Variants in BLNK observed in about 807,000 individuals in gnomAD.
BLNK encodes B-cell linker protein.
A neutral mutation model predicts 73.5 loss-of-function variants in BLNK; 29 were observed. That is an observed-to-expected ratio of 0.39 (90% CI 0.29 to 0.54). The LOEUF is 0.54. Among genes scored for constraint, BLNK ranks in the 20% least tolerant of loss-of-function variants. The probability of loss-of-function intolerance (pLI) is 0.61; values close to 1 mark genes in which losing one functional copy is unlikely to be tolerated. For synonymous variants in BLNK, 176 were observed against 200.8 expected (o/e 0.88, Z 1.04); for missense variants, 460 against 562.8 (o/e 0.82, Z 1.85).
intron 12 of BLNK, 70 bp from the exon 13 acceptor site, chr10:96,204,158 C>T: frequency 2.0e-6 from 3 of 1,492,076 alleles, no homozygotes; most frequent in Non-Finnish European, 2.8e-6. Flanking sequence ...TTTGTTTACA[C>T]TGATGATGCT....
At chr10:96,243,280 C>T (rs1449863012) in intron 2 of BLNK, among the ~76,000 whole-genome samples, 1 of 152,210 alleles carries the variant, frequency 6.6e-6, no homozygotes, top group Admixed American at 6.5e-5. Context: ...CACACTGGCT[C>T]ATTTCTGTAA....
chr10:96,244,779 A>G (rs893297834), intron 2 of BLNK, among the ~76,000 whole-genome samples: 2 of 152,184 alleles, frequency 1.3e-5, no homozygotes, highest in South Asian at 4.1e-4. Context: ...TATGAAACAG[A>G]GGCTGTTATA....
In BLNK at chr10:96,222,091, C is replaced by T. The variant is rs587632825; in HGVS notation, c.525+1735G>A. ...AGAAAGGAATCCGACATATATTAAACCCCTCTGTGTGTGAGGCACTGTATT... is the reference window on the plus strand; with the variant it reads ...AGAAAGGAATCCGACATATATTAAATCCCTCTGTGTGTGAGGCACTGTATT... On this transcript the variant is annotated intron_variant, in intron 6 of 16. Transcript: ENST00000224337. Among the ~76,000 whole-genome samples, 10 of 152,334 alleles carry T rather than the reference C, an allele frequency of 6.6e-5. No individual in the cohort carries two copies. In the South Asian group the frequency reaches 2.1e-3, roughly 32 times the overall value.
intron 3 of BLNK, among the ~76,000 whole-genome samples, chr10:96,240,396 G>A (rs1300941243): frequency 6.6e-6 from 1 of 151,786 alleles, no homozygotes; most frequent in Non-Finnish European, 1.5e-5. Flanking sequence ...AAGTTGCACA[G>A]GACAACTCTA....
At chr10:96,192,207 C>T (rs587730160) in intron 16 of BLNK, 115 bp from the exon 17 acceptor site, 21 of 1,385,930 alleles carry the variant, frequency 1.5e-5, no homozygotes, top group African/African-American at 1.3e-4. Flanking sequence ...CCCCAGCTGA[C>T]ATTCTGCACA....
intron 8 of BLNK, among the ~76,000 whole-genome samples, chr10:96,214,623 G>A (rs147488487): frequency 6.6e-6 from 1 of 152,294 alleles, no homozygotes; most frequent in Non-Finnish European, 1.5e-5. Flanking sequence ...GTGCCCGCAG[G>A]GGAGGGAGGA....
intron 6 of BLNK, among the ~76,000 whole-genome samples, chr10:96,221,549 G>A (rs1394827066): frequency 1.3e-5 from 2 of 151,782 alleles, no homozygotes; most frequent in African/African-American, 2.4e-5. Flanking sequence ...TTTCCCACTG[G>A]TGCAGACTTG....
intron 6 of BLNK, among the ~76,000 whole-genome samples, chr10:96,217,041 C>A (rs1316412138): frequency 1.3e-5 from 2 of 152,188 alleles, no homozygotes; most frequent in African/African-American, 4.8e-5. Context: ...TTTGCCCATT[C>A]TGGACATTGA....
chr10:96,227,354 C>T, intron 5 of BLNK, 56 bp downstream of exon 5: 1 of 1,597,422 alleles, frequency 6.3e-7, no homozygotes, highest in Non-Finnish European at 8.5e-7. Flanking sequence ...TCTTGGACAC[C>T]CCCACCTCCC....
At chr10:96,192,596 T>TC (rs782792824) in intron 16 of BLNK, among the ~76,000 whole-genome samples, 54 of 152,306 alleles carry the variant, frequency 3.5e-4, no homozygotes, top group Admixed American at 6.5e-4. Context: ...CCTTCATATT[T>TC]CCATTTTTAC....
chr10:96,193,056 T>C (rs2083368477), intron 16 of BLNK, among the ~76,000 whole-genome samples: 1 of 152,226 alleles, frequency 6.6e-6, no homozygotes, highest in African/African-American at 2.4e-5. Flanking sequence ...ATTCAGAATA[T>C]TGGCCAACAT....
At chr10:96,264,592 AG>A (rs1298155667) in intron 1 of BLNK, among the ~76,000 whole-genome samples, 1 of 152,012 alleles carries the variant, frequency 6.6e-6, no homozygotes, top group African/African-American at 2.4e-5. Context: ...GTTATTTTGG[AG>A]GGGGGCGGGG....
At chr10:96,252,377 G>T (rs970214071) in intron 1 of BLNK, among the ~76,000 whole-genome samples, 2 of 152,164 alleles carry the variant, frequency 1.3e-5, no homozygotes, top group African/African-American at 4.8e-5. Flanking sequence ...ATTCCCAGGT[G>T]GTGCTGATGC....
At chr10:96,269,108 C>T (rs948376242) in intron 1 of BLNK, among the ~76,000 whole-genome samples, 1 of 152,148 alleles carries the variant, frequency 6.6e-6, no homozygotes, top group Non-Finnish European at 1.5e-5. Flanking sequence ...AAAAGTTCCA[C>T]GTCAACAGTA....
chr10:96,201,745 T>G (rs2083645332), intron 13 of BLNK, among the ~76,000 whole-genome samples: 1 of 151,090 alleles, frequency 6.6e-6, no homozygotes. Context: ...TCTGCATTCA[T>G]TCATTCATTC....
At position 96,223,917 on chromosome 10, in the gene BLNK, T is replaced by C. The variant is rs1554901814; in HGVS notation, c.434A>G (p.Glu145Gly). The C allele has an allele frequency of 6.2e-6, 10 of 1,613,554 alleles. No individual in the cohort carries two copies. The highest frequency in any genetic ancestry group is 8.5e-6 in the Non-Finnish European group (10 of 1,180,028). Residue 145 changes from glutamate (E) to glycine (G), a missense_variant, in exon 6 of 17, where the codon GAG becomes GGG. This residue lies in a region of BLNK where 233 missense variants were observed against 232.1 expected (regional missense o/e 1.00). Transcript: ENST00000224337. ...CAGGGTGGAGGTGAGCCTTGCTTTC[T>C]CTGAAGGCCAGCTGGGCTTACTGGG... ...TLPSKPSWPS[E>G]KARLTSTLPA... is the part of the protein sequence containing the mutation.
rs1554903806 is a variant in BLNK at position 96,230,805 on chromosome 10, A to G, written c.193T>C (p.Ser65Pro). The G allele has an allele frequency of 6.2e-7, 1 of 1,611,040 alleles. No individual in the cohort carries two copies. The change falls in exon 4 of 17, where the codon TCC becomes CCC. Residue 65 changes from serine (S) to proline (P), a missense_variant. Around this residue, in one of 3 missense-constraint regions of BLNK, gnomAD observed 139 missense variants for 187.3 expected, o/e 0.74. Coordinates refer to ENST00000224337, the MANE Select transcript of BLNK (RefSeq NM_013314.4). ...GAGCAAATACTTACAAAGTCATCGG[A>G]CCACTGCTCCTCTTCGTCAGCAGGG... Reference protein sequence around the residue: ...ESPADEEEQWSDDFDSDYENP... With the variant: ...ESPADEEEQWPDDFDSDYENP...
At position 96,189,649 on chromosome 10, in the gene BLNK, T is replaced by C; in HGVS notation, c.*2324A>G. 1.4e-6 allele frequency: 1 copy of C among 715,262 alleles called. No individual in the cohort carries two copies. The highest frequency in any genetic ancestry group is 2.6e-6 in the Non-Finnish European group (1 of 385,734). 44.3% of individuals were successfully genotyped at this position (715,262 alleles called of 1,614,324 possible). A position where few individuals can be genotyped will look rare whatever the true frequency, so the allele number is the denominator to read the frequency against. On this transcript the variant is annotated 3_prime_UTR_variant, in exon 17 of 17. Transcript: ENST00000224337. ...GACTTTTGTGCATTTTTGGCTGGAG[T>C]ATGTAGATTTCTTCAATGGTGCTTT...
intron 1 of BLNK, among the ~76,000 whole-genome samples, chr10:96,255,651 T>A (rs1466593241): frequency 6.6e-6 from 1 of 152,188 alleles, no homozygotes; most frequent in Non-Finnish European, 1.5e-5. Flanking sequence ...TCCTTCTTCA[T>A]CCCCCGCATC....
Sources: gnomAD v4.1 joint callset for allele counts (sites outside exome capture counted in the v4.1 genomes callset) on GRCh38, gnomAD v4.1.1 for gene constraint, gnomAD v4.1.1 regional missense constraint, MANE v1.5 for transcripts, NCBI Gene and HGNC (gene_info 2026-07-23, HGNC 2026-07-21) for gene names.